The following ENTREP2 variants were observed in gnomAD, a reference collection of about 807,000 sequenced individuals.
The protein encoded by ENTREP2 is protein ENTREP2.
the ENTREP2 span, among the ~76,000 whole-genome samples, chr15:29,453,611 CAAGG>C: frequency 2.6e-5 from 4 of 152,146 alleles, no homozygotes; most frequent in Non-Finnish European, 5.9e-5. Context: ...AATACATCCT[CAAGG>C]AAGGAAGTGG....
At chr15:29,207,177 A>G in the ENTREP2 span, among the ~76,000 whole-genome samples, 10 of 152,068 alleles carry the variant, frequency 6.6e-5, no homozygotes, top group South Asian at 2.1e-3. Context: ...TCCCTGCCAG[A>G]CCTGAGGACA....
the ENTREP2 span, among the ~76,000 whole-genome samples, chr15:29,352,558 G>A: frequency 3.3e-5 from 5 of 151,984 alleles, no homozygotes; most frequent in African/African-American, 7.3e-5. Context: ...TCTTGTAACC[G>A]CTCGCCTGTC....
chr15:29,667,192 CT>C, the ENTREP2 span, among the ~76,000 whole-genome samples: 242 of 144,218 alleles, frequency 1.7e-3, no homozygotes, highest in Middle Eastern at 3.6e-3. Context: ...CTTTTCTTTC[CT>C]TTTTTTTTTT....
At chr15:29,407,727 G>A in the ENTREP2 span, among the ~76,000 whole-genome samples, 1 of 152,060 alleles carries the variant, frequency 6.6e-6, no homozygotes, top group Non-Finnish European at 1.5e-5. Context: ...GAGTGCAGTG[G>A]CTCGATCTCC....
At chr15:29,455,766 C>T in the ENTREP2 span, among the ~76,000 whole-genome samples, 1 of 152,200 alleles carries the variant, frequency 6.6e-6, no homozygotes, top group Non-Finnish European at 1.5e-5. Flanking sequence ...TTTACAGCTG[C>T]TCCCCACTGC....
the ENTREP2 span, among the ~76,000 whole-genome samples, chr15:29,237,397 T>G: frequency 2.6e-5 from 4 of 152,234 alleles, no homozygotes; most frequent in Admixed American, 1.3e-4. Flanking sequence ...GTCTCAGAAT[T>G]CTTTGCCTAG....
At chr15:29,534,016 C>G in the ENTREP2 span, among the ~76,000 whole-genome samples, 1 of 148,294 alleles carries the variant, frequency 6.7e-6, no homozygotes, top group Non-Finnish European at 1.5e-5. Context: ...GTGCTGCTGC[C>G]TATAGAAACG....
the ENTREP2 span, among the ~76,000 whole-genome samples, chr15:29,272,432 G>A: frequency 6.6e-6 from 1 of 152,042 alleles, no homozygotes; most frequent in Non-Finnish European, 1.5e-5. Flanking sequence ...AAAATATTAG[G>A]ATATTTTCAA....
chr15:29,431,608 T>G, the ENTREP2 span, among the ~76,000 whole-genome samples: 5 of 152,222 alleles, frequency 3.3e-5, no homozygotes, highest in African/African-American at 1.2e-4. Context: ...TTCTTAAAAT[T>G]ATTTTTAGAT....
At chr15:29,469,396 C>T in the ENTREP2 span, among the ~76,000 whole-genome samples, 1 of 152,158 alleles carries the variant, frequency 6.6e-6, no homozygotes, top group Non-Finnish European at 1.5e-5. Flanking sequence ...GACAGGGTTT[C>T]ACCATGTTGG....
the ENTREP2 span, among the ~76,000 whole-genome samples, chr15:29,276,136 A>T: frequency 1.3e-5 from 2 of 152,234 alleles, no homozygotes; most frequent in South Asian, 2.1e-4. Context: ...ATGAAGCAGC[A>T]ACAGAGTTTT....
the ENTREP2 span, among the ~76,000 whole-genome samples, chr15:29,477,780 G>T: frequency 6.6e-6 from 1 of 151,916 alleles, no homozygotes; most frequent in Non-Finnish European, 1.5e-5. Context: ...CTTGGGGAGG[G>T]GGTGGGTGTA....
chr15:29,126,200 T>G, the ENTREP2 span: 1 of 1,291,610 alleles, frequency 7.7e-7, no homozygotes, highest in Non-Finnish European at 1.0e-6. Context: ...CAGGGGTCAC[T>G]GAGACCTGCA....
At chr15:29,513,431 T>G in the ENTREP2 span, among the ~76,000 whole-genome samples, 2 of 152,202 alleles carry the variant, frequency 1.3e-5, no homozygotes, top group African/African-American at 4.8e-5. Flanking sequence ...TGAAAACCAT[T>G]GGTCAACATT....
At chr15:29,465,657 G>T in the ENTREP2 span, among the ~76,000 whole-genome samples, 1 of 152,104 alleles carries the variant, frequency 6.6e-6, no homozygotes, top group Non-Finnish European at 1.5e-5. Flanking sequence ...CAAATTGTAT[G>T]GTCCATTATA....
the ENTREP2 span, among the ~76,000 whole-genome samples, chr15:29,366,001 A>T: frequency 6.6e-6 from 1 of 152,210 alleles, no homozygotes; most frequent in Non-Finnish European, 1.5e-5. Flanking sequence ...ATGGACTGTT[A>T]GATGACTTCC....
the ENTREP2 span, among the ~76,000 whole-genome samples, chr15:29,484,845 G>A: frequency 6.6e-6 from 1 of 152,122 alleles, no homozygotes; most frequent in Admixed American, 6.6e-5. Flanking sequence ...CCTTTTAAAA[G>A]CACGTATTAT....
the ENTREP2 span, among the ~76,000 whole-genome samples, chr15:29,211,392 T>A: frequency 2.0e-5 from 3 of 152,228 alleles, no homozygotes; most frequent in Non-Finnish European, 2.9e-5. Context: ...ACCCAGCCCC[T>A]GTTCCAGTGA....
chr15:29,341,300 C>T, the ENTREP2 span, among the ~76,000 whole-genome samples: 1 of 152,188 alleles, frequency 6.6e-6, no homozygotes, highest in Non-Finnish European at 1.5e-5. Flanking sequence ...TGTTCACTGC[C>T]CATTCATTCT....
Sources: allele counts gnomAD v4.1 joint callset (sites outside exome capture counted in the v4.1 genomes callset), GRCh38; gene constraint gnomAD v4.1.1; transcripts MANE v1.5; gene names NCBI Gene and HGNC (gene_info 2026-07-23, HGNC 2026-07-21).